The following HTR2C variants were observed in gnomAD, a reference collection of about 807,000 sequenced individuals.
The protein encoded by HTR2C is 5-hydroxytryptamine receptor 2C, also known as 5-hydroxytryptamine (serotonin) receptor 2C, G protein-coupled.
A neutral mutation model predicts 21.0 loss-of-function variants in HTR2C; 5 were observed. The observed-to-expected ratio is 0.24, with a 90% CI of 0.12 to 0.50. HTR2C has a LOEUF of 0.50. Ranked by LOEUF, HTR2C falls within the 20% of genes least tolerant of loss-of-function variation. The pLI is 0.98. For missense variants in HTR2C, 271 were observed against 371.2 expected (o/e 0.73, Z 2.22); for synonymous variants, 150 against 145.3 (o/e 1.03, Z -0.23).
At chrX:114,876,074 A>G (rs889449989) in intron 5 of HTR2C, among the ~76,000 whole-genome samples, 1 of 110,081 alleles carries the variant, frequency 9.1e-6, no homozygotes, top group Non-Finnish European at 1.9e-5. Flanking sequence ...TTGTGACTCC[A>G]ATGTCTTTTG....
chrX:114,821,713 A>G (rs1367598366), intron 4 of HTR2C, among the ~76,000 whole-genome samples: 2 of 111,212 alleles, frequency 1.8e-5, no homozygotes, highest in Admixed American at 9.7e-5. Flanking sequence ...AGATTACTAT[A>G]AAAAGCAGTA....
chrX:114,697,688 C>T (rs782643168), intron 2 of HTR2C, among the ~76,000 whole-genome samples: 39 of 112,513 alleles, frequency 3.5e-4, no homozygotes, highest in Non-Finnish European at 6.8e-4. Flanking sequence ...CTGTTCTCTA[C>T]GAATCATTTG....
chrX:114,857,465 C>T (rs1423267017), intron 5 of HTR2C, among the ~76,000 whole-genome samples: 3 of 111,081 alleles, frequency 2.7e-5, no homozygotes, highest in Non-Finnish European at 5.7e-5. Flanking sequence ...GACATCTAGT[C>T]CTGGTATTTA....
chrX:114,648,258 C>G (rs1326045148), intron 2 of HTR2C, among the ~76,000 whole-genome samples: 7 of 110,896 alleles, frequency 6.3e-5, no homozygotes, highest in Non-Finnish European at 1.3e-4. Flanking sequence ...GAGTGCAGTT[C>G]TCAAATGAAG....
At chrX:114,605,487 G>C (rs1928372836) in intron 1 of HTR2C, among the ~76,000 whole-genome samples, 1 of 111,019 alleles carries the variant, frequency 9.0e-6, no homozygotes, top group South Asian at 3.8e-4. Flanking sequence ...GAGTTGCACT[G>C]GGCACAGAGA....
chrX:114,610,168 G>T (rs1018423188), intron 1 of HTR2C, among the ~76,000 whole-genome samples: 3 of 111,427 alleles, frequency 2.7e-5, no homozygotes, highest in Admixed American at 9.6e-5. Flanking sequence ...CATGAATATC[G>T]AAAAGAGTGC....
At chrX:114,655,642 C>G (rs1281613310) in intron 2 of HTR2C, among the ~76,000 whole-genome samples, 1 of 111,360 alleles carries the variant, frequency 9.0e-6, no homozygotes, top group African/African-American at 3.2e-5. Context: ...AATGACTTGT[C>G]TTCCTACAAC....
chrX:114,682,925 CATT>C (rs1407385975), intron 2 of HTR2C, among the ~76,000 whole-genome samples: 1 of 112,037 alleles, frequency 8.9e-6, no homozygotes. Context: ...ATCAATTTAA[CATT>C]ATTCAACTGT....
intron 4 of HTR2C, among the ~76,000 whole-genome samples, chrX:114,756,244 G>A (rs1265111918): frequency 2.7e-5 from 3 of 112,126 alleles, no homozygotes; most frequent in South Asian, 3.7e-4. Flanking sequence ...ATACATTGCT[G>A]GTGGGAATGT....
chrX:114,881,467 C>G (rs945891127), intron 5 of HTR2C, among the ~76,000 whole-genome samples: 2 of 108,570 alleles, frequency 1.8e-5, no homozygotes, highest in Admixed American at 9.8e-5. Context: ...ACAGTCTTAC[C>G]CCTTACTTTT....
In HTR2C at chrX:114,907,338, A is replaced by G. The variant is rs199888424; in HGVS notation, c.1300A>G (p.Ile434Val). 9.9e-6 allele frequency: 12 copies of G among 1,209,323 alleles called. No homozygotes were observed. The Admixed American group carries it at 2.2e-4, about 22-fold the overall frequency. ...IEKASDNEPG[I>V]EMQVENLELP... ...GAAAGCCAGTGACAATGAGCCCGGTATAGAGATGCAAGTTGAGAATTTAGA... is the reference window on the plus strand; with the variant it reads ...GAAAGCCAGTGACAATGAGCCCGGTGTAGAGATGCAAGTTGAGAATTTAGA... Residue 434 changes from isoleucine (I) to valine (V), a missense_variant, in exon 6 of 6, where the codon ATA becomes GTA. Ile to Val is a conservative substitution (Grantham distance 29). This residue lies in a region of HTR2C where 192 missense variants were observed against 247.2 expected (regional missense o/e 0.78). Coordinates refer to ENST00000276198, the MANE Select transcript of HTR2C (RefSeq NM_000868.4).
intron 1 of HTR2C, among the ~76,000 whole-genome samples, chrX:114,595,337 C>T (rs1556392304): frequency 9.1e-6 from 1 of 109,655 alleles, no homozygotes; most frequent in African/African-American, 3.3e-5. Flanking sequence ...CTCACCTCAG[C>T]CTCTCGAGTA....
rs145665077 is a variant in HTR2C at position 114,707,318 on chromosome X, G to C, written c.-79-19540G>C. On this transcript the variant is annotated intron_variant, in intron 2 of 5. Coordinates refer to ENST00000276198, the MANE Select transcript of HTR2C (RefSeq NM_000868.4). ...TGCCTGTAGTCCCAGCTACTTGAGA[G>C]AAAGAGGTGAGAGGATGGCTTGAGC... Among the ~76,000 whole-genome samples, 712 of 111,418 alleles carry C rather than the reference G, an allele frequency of 6.4e-3. 4 individuals are homozygous for C. The highest frequency in any genetic ancestry group is 8.8e-3 in the Non-Finnish European group (470 of 53,131).
At chrX:114,882,631 T>C (rs1323917159) in intron 5 of HTR2C, among the ~76,000 whole-genome samples, 1 of 111,137 alleles carries the variant, frequency 9.0e-6, no homozygotes, top group Non-Finnish European at 1.9e-5. Flanking sequence ...TATGGTATAT[T>C]ACTTTAATTG....
At chrX:114,843,099 C>T (rs1417609999) in intron 4 of HTR2C, among the ~76,000 whole-genome samples, 1 of 111,037 alleles carries the variant, frequency 9.0e-6, no homozygotes, top group Non-Finnish European at 1.9e-5. Flanking sequence ...GACCTATTTT[C>T]AGAAAACAAA....
intron 4 of HTR2C, among the ~76,000 whole-genome samples, chrX:114,843,492 C>T (rs781974349): frequency 5.4e-4 from 60 of 111,149 alleles, no homozygotes; most frequent in African/African-American, 1.7e-3. Flanking sequence ...CTTTGAGACA[C>T]TATCAAGTTT....
At chrX:114,611,997 C>G (rs1174194596) in intron 1 of HTR2C, among the ~76,000 whole-genome samples, 1 of 111,804 alleles carries the variant, frequency 8.9e-6, no homozygotes, top group African/African-American at 3.2e-5. Context: ...GTGCCTGGCC[C>G]AAAGTTTTAA....
At chrX:114,664,301 G>A (rs1325855987) in intron 2 of HTR2C, among the ~76,000 whole-genome samples, 2 of 111,149 alleles carry the variant, frequency 1.8e-5, no homozygotes, top group African/African-American at 6.5e-5. Context: ...GTGGTTTGCC[G>A]CATAGATCAA....
intron 4 of HTR2C, among the ~76,000 whole-genome samples, chrX:114,828,854 C>T (rs2070698493): frequency 1.8e-5 from 2 of 112,162 alleles, no homozygotes; most frequent in South Asian, 3.7e-4. Context: ...TGGCTTCTTT[C>T]ACTTAGCATG....
Sources: allele counts gnomAD v4.1 joint callset (sites outside exome capture counted in the v4.1 genomes callset), GRCh38; gene constraint gnomAD v4.1.1; regional missense constraint gnomAD v4.1.1; transcripts MANE v1.5; gene names NCBI Gene and HGNC (gene_info 2026-07-23, HGNC 2026-07-21).